Variants in ARHGEF28 observed in about 807,000 individuals in gnomAD.
ARHGEF28 encodes 190 kDa guanine nucleotide exchange factor.
A neutral mutation model predicts 206.6 loss-of-function variants in ARHGEF28; 152 were observed. The observed-to-expected ratio is 0.74, with a 90% confidence interval of 0.64 to 0.84. ARHGEF28 has a LOEUF of 0.84. Among genes scored for constraint, ARHGEF28 ranks in the 40% least tolerant of loss-of-function variants. The pLI is 0.00. For missense variants in ARHGEF28, 2,028 were observed against 2,073.2 expected (o/e 0.98, Z 0.42); for synonymous variants, 763 against 776.4 (o/e 0.98, Z 0.29).
intron 29 of ARHGEF28, 25 bp from the exon 30 acceptor site, chr5:73,897,937 T>A: frequency 6.5e-7 from 1 of 1,548,154 alleles, no homozygotes; most frequent in Non-Finnish European, 8.7e-7. Flanking sequence ...TTTTTTAGAT[T>A]TATTTTTGTT....
intron 16 of ARHGEF28, among the ~76,000 whole-genome samples, chr5:73,859,080 C>A (rs1222651941): frequency 6.6e-6 from 1 of 152,066 alleles, no homozygotes; most frequent in Non-Finnish European, 1.5e-5. Flanking sequence ...TCTCCCAGTG[C>A]CTGGCTCATC....
intron 1 of ARHGEF28, among the ~76,000 whole-genome samples, chr5:73,651,149 G>C (rs576036226): frequency 1.3e-5 from 2 of 152,180 alleles, no homozygotes; most frequent in African/African-American, 4.8e-5. Context: ...CAGTCACTGG[G>C]TTTGGTTGAG....
chr5:73,761,245 T>G (rs1395132896), intron 4 of ARHGEF28, among the ~76,000 whole-genome samples: 1 of 152,232 alleles, frequency 6.6e-6, no homozygotes, highest in Non-Finnish European at 1.5e-5. Flanking sequence ...CCAAGGAATA[T>G]CTTCATAACC....
chr5:73,653,108 C>G (rs1006316035), intron 1 of ARHGEF28, among the ~76,000 whole-genome samples: 2 of 152,156 alleles, frequency 1.3e-5, no homozygotes, highest in African/African-American at 4.8e-5. Flanking sequence ...GGAGGTTAAA[C>G]AACTTGCCCA....
chr5:73,871,520 A>T (rs1162171466), intron 21 of ARHGEF28, among the ~76,000 whole-genome samples: 2 of 152,214 alleles, frequency 1.3e-5, no homozygotes, highest in Non-Finnish European at 2.9e-5. Context: ...GTAAGTTTGG[A>T]AATACTCATT....
chr5:73,923,741 A>G (rs947962496), intron 35 of ARHGEF28, among the ~76,000 whole-genome samples: 1 of 152,122 alleles, frequency 6.6e-6, no homozygotes, highest in Non-Finnish European at 1.5e-5. Context: ...GGTGGTGACT[A>G]TTTTCAGTTT....
chr5:73,660,355 C>T (rs749571260), intron 1 of ARHGEF28, among the ~76,000 whole-genome samples: 3 of 152,150 alleles, frequency 2.0e-5, no homozygotes, highest in Non-Finnish European at 2.9e-5. Context: ...CTTGCTGTTT[C>T]CATCATATCA....
At chr5:73,701,117 T>C (rs971680215) in intron 2 of ARHGEF28, among the ~76,000 whole-genome samples, 5 of 152,220 alleles carry the variant, frequency 3.3e-5, no homozygotes, top group African/African-American at 1.2e-4. Flanking sequence ...AGCAGTACAG[T>C]GTCCTCTTTA....
At chr5:73,894,328 G>T in intron 28 of ARHGEF28, 65 bp from the exon 29 acceptor site, 1 of 1,449,266 alleles carries the variant, frequency 6.9e-7, no homozygotes. Context: ...CTTTTTCGTG[G>T]ACTTTCACAT....
At chr5:73,748,790 G>A (rs1751875370) in intron 2 of ARHGEF28, among the ~76,000 whole-genome samples, 1 of 152,162 alleles carries the variant, frequency 6.6e-6, no homozygotes, top group Admixed American at 6.5e-5. Context: ...CACAGGCTGG[G>A]CAGAATGCGC....
intron 35 of ARHGEF28, among the ~76,000 whole-genome samples, chr5:73,923,827 T>C (rs1308752813): frequency 6.6e-6 from 1 of 152,146 alleles, no homozygotes; most frequent in Non-Finnish European, 1.5e-5. Flanking sequence ...CATGAAGGGA[T>C]AATTAAATGA....
At chr5:73,725,822 G>A (rs894050380) in intron 2 of ARHGEF28, among the ~76,000 whole-genome samples, 1 of 152,128 alleles carries the variant, frequency 6.6e-6, no homozygotes. Flanking sequence ...TGGACAATGA[G>A]GAAGAGTAGA....
chr5:73,938,894 T>C (rs1203280139), intron 35 of ARHGEF28, among the ~76,000 whole-genome samples: 1 of 152,042 alleles, frequency 6.6e-6, no homozygotes. Flanking sequence ...CTATAACAAT[T>C]GCTGTGTCAG....
In ARHGEF28 at chr5:73,911,523, C is replaced by T. The variant is rs752793098; in HGVS notation, c.4896C>T (p.Ser1632=). ...VSHKLWTAAG[S]GHQILPFHES... is the part of the protein sequence containing the mutation. ...ACAAACTGTGGACAGCCGCTGGTTC[C>T]GGCCATCAGATACTTCCTTTCCATG... The change falls in exon 35 of 36, where the codon TCC becomes TCT. Residue 1632 remains serine, a synonymous_variant. Transcript: ENST00000513042. 3.5e-5 allele frequency: 57 copies of T among 1,612,690 alleles called. No homozygotes were observed. The South Asian group carries it at 5.1e-4, about 14-fold the overall frequency.
At chr5:73,844,767 C>T (rs1477440991) in intron 11 of ARHGEF28, among the ~76,000 whole-genome samples, 2 of 82,858 alleles carry the variant, frequency 2.4e-5, no homozygotes, top group Non-Finnish European at 5.3e-5. Context: ...CTGTAACAAC[C>T]AAAAAAAAAA....
intron 1 of ARHGEF28, among the ~76,000 whole-genome samples, chr5:73,656,468 T>C (rs2112177865): frequency 6.6e-6 from 1 of 152,328 alleles, no homozygotes; most frequent in Admixed American, 6.5e-5. Flanking sequence ...TCTCTTTCTT[T>C]CATATCCCAC....
intron 2 of ARHGEF28, among the ~76,000 whole-genome samples, chr5:73,722,764 G>A (rs1171018039): frequency 6.6e-6 from 1 of 152,086 alleles, no homozygotes; most frequent in Non-Finnish European, 1.5e-5. Context: ...AGGCAATGAA[G>A]ATGAAAAAGG....
chr5:73,648,872 A>G lies in ARHGEF28; in HGVS notation c.-12+22550A>G, dbSNP rs1216225295. Among the ~76,000 whole-genome samples, 6 of 152,214 alleles carry G rather than the reference A, an allele frequency of 3.9e-5. No individual in the cohort carries two copies. In the East Asian group the frequency reaches 9.7e-4, roughly 25 times the overall value. The stretch of plus-strand genomic sequence containing the variant: ...AACAGAAACTTCACTTCTCCTTTCC[A>G]TGAATGGTTCTCGGGATGAATTTCC... On this transcript the variant is annotated intron_variant, in intron 1 of 35. Transcript: ENST00000513042.
chr5:73,777,076 C>T (rs918484304), intron 6 of ARHGEF28, among the ~76,000 whole-genome samples: 1 of 151,992 alleles, frequency 6.6e-6, no homozygotes, highest in Non-Finnish European at 1.5e-5. Context: ...AGCATTTGTT[C>T]CAGTGCAGAA....
Sources: gnomAD v4.1 joint callset for allele counts (sites outside exome capture counted in the v4.1 genomes callset) on GRCh38, gnomAD v4.1.1 for gene constraint, MANE v1.5 for transcripts, NCBI Gene and HGNC (gene_info 2026-07-23, HGNC 2026-07-21) for gene names.